OXR1: variants seen among roughly 807,000 people sequenced by gnomAD.
OXR1 encodes the protein oxidation resistance 1, also known as oxidation resistance protein 1.
In OXR1, 41 loss-of-function variants were observed where a neutral mutation model predicts 104.6. The observed-to-expected ratio is 0.39, with a 90% confidence interval of 0.31 to 0.51. OXR1 has a LOEUF of 0.51. Ranked by LOEUF, OXR1 falls within the 20% of genes least tolerant of loss-of-function variation. The probability of loss-of-function intolerance (pLI) is 0.77; values close to 1 mark genes in which losing one functional copy is unlikely to be tolerated. For synonymous variants in OXR1, 348 were observed against 348.4 expected (o/e 1.00, Z 0.01); for missense variants, 955 against 1,031.9 (o/e 0.93, Z 1.02).
At position 106,285,495 on chromosome 8, in the gene OXR1, A is replaced by G. The variant is rs536489874; in HGVS notation, c.-139+15128A>G. 2.4e-3 allele frequency among the ~76,000 whole-genome samples: 359 copies of G among 152,114 alleles called. 5 individuals are homozygous for G. The highest frequency in any genetic ancestry group is 8.1e-3 in the African/African-American group (336 of 41,496). On this transcript the variant is annotated intron_variant, in intron 1 of 16. Coordinates refer to ENST00000517566, the MANE Select transcript of OXR1 (RefSeq NM_001198533.2). ...GACAGTAACAAGTGTCCTTCCGTTT[A>G]ATGCTGCCACCCTAGGTCTGTGTGT...
intron 7 of OXR1, among the ~76,000 whole-genome samples, chr8:106,699,043 A>G (rs1353398921): frequency 4.6e-5 from 7 of 152,130 alleles, no homozygotes; most frequent in Admixed American, 4.6e-4. Flanking sequence ...TTCTTTGATG[A>G]TCACTTGGTA....
chr8:106,504,396 C>T (rs184206762), intron 2 of OXR1, among the ~76,000 whole-genome samples: 265 of 152,210 alleles, frequency 1.7e-3, no homozygotes, highest in African/African-American at 6.1e-3. Flanking sequence ...TTTTTACGTT[C>T]CAGGTTATTA....
chr8:106,343,337 C>G (rs973840318), intron 1 of OXR1, among the ~76,000 whole-genome samples: 1 of 152,152 alleles, frequency 6.6e-6, no homozygotes, highest in Non-Finnish European at 1.5e-5. Context: ...AGGACCATGT[C>G]CAGATCGCTT....
chr8:106,718,349 C>A (rs921097303), intron 11 of OXR1, among the ~76,000 whole-genome samples: 1 of 152,066 alleles, frequency 6.6e-6, no homozygotes, highest in African/African-American at 2.4e-5. Flanking sequence ...TGAAGACAGA[C>A]AGAAACATAT....
chr8:106,442,119 A>G (rs1382224065), intron 2 of OXR1, among the ~76,000 whole-genome samples: 1 of 152,186 alleles, frequency 6.6e-6, no homozygotes, highest in Non-Finnish European at 1.5e-5. Context: ...AGTTTTTACC[A>G]TGAAGTGGTG....
At chr8:106,311,506 C>T (rs1813697827) in intron 1 of OXR1, among the ~76,000 whole-genome samples, 1 of 151,842 alleles carries the variant, frequency 6.6e-6, no homozygotes, top group Non-Finnish European at 1.5e-5. Context: ...TATTTTTGTC[C>T]TGTGTGTGTT....
At chr8:106,579,702 G>T (rs920645933) in intron 3 of OXR1, among the ~76,000 whole-genome samples, 1 of 152,024 alleles carries the variant, frequency 6.6e-6, no homozygotes, top group Non-Finnish European at 1.5e-5. Flanking sequence ...AGCTAAGGAG[G>T]GGAGCCAGGA....
intron 1 of OXR1, among the ~76,000 whole-genome samples, chr8:106,291,453 T>C (rs1372084941): frequency 6.6e-6 from 1 of 152,172 alleles, no homozygotes; most frequent in East Asian, 1.9e-4. Flanking sequence ...GCAAGATTTG[T>C]ATTAGCATTA....
chr8:106,692,909 A>C (rs921475715), intron 7 of OXR1, 32 bp downstream of exon 7: 4 of 1,490,070 alleles, frequency 2.7e-6, no homozygotes, highest in Non-Finnish European at 1.8e-6. Context: ...AAGACCTTTA[A>C]TCATGCTTTA....
chr8:106,402,572 G>A (rs1035120749), intron 2 of OXR1, among the ~76,000 whole-genome samples: 1 of 152,140 alleles, frequency 6.6e-6, no homozygotes, highest in Admixed American at 6.5e-5. Context: ...CACTACTTTG[G>A]TGACCCACAG....
At chr8:106,637,755 T>C (rs1823265520) in intron 3 of OXR1, among the ~76,000 whole-genome samples, 1 of 147,444 alleles carries the variant, frequency 6.8e-6, no homozygotes, top group African/African-American at 2.6e-5. Flanking sequence ...CACTACATAG[T>C]TTCGACTTTT....
At chr8:106,401,566 C>T (rs943041077) in intron 2 of OXR1, among the ~76,000 whole-genome samples, 3 of 152,116 alleles carry the variant, frequency 2.0e-5, no homozygotes, top group Non-Finnish European at 2.9e-5. Flanking sequence ...GCAGCTTTTT[C>T]GGTCACTCAG....
At chr8:106,437,329 T>C (rs897231879) in intron 2 of OXR1, among the ~76,000 whole-genome samples, 2 of 152,168 alleles carry the variant, frequency 1.3e-5, no homozygotes, top group African/African-American at 4.8e-5. Context: ...TGATTTCGTG[T>C]CTAATTTCAT....
intron 1 of OXR1, among the ~76,000 whole-genome samples, chr8:106,357,719 A>G (rs1004906901): frequency 4.6e-5 from 7 of 152,162 alleles, no homozygotes; most frequent in African/African-American, 1.7e-4. Context: ...TTGTTTGCTT[A>G]TGAATGACTT....
chr8:106,529,854 C>G lies in OXR1; in HGVS notation c.220+10715C>G, dbSNP rs1490283517. The stretch of plus-strand genomic sequence containing the variant: ...ATTTATTTAATGATTTCTAAACTGC[C>G]CAATTAAACCTATACTGGTTTAATT... On this transcript the variant is annotated intron_variant, in intron 3 of 16. Coordinates refer to ENST00000517566, the MANE Select transcript of OXR1 (RefSeq NM_001198533.2). Among the ~76,000 whole-genome samples, 4 of 152,208 alleles carry G rather than the reference C, an allele frequency of 2.6e-5. No individual in the cohort carries two copies. In the South Asian group the frequency reaches 6.2e-4, roughly 24 times the overall value.
chr8:106,655,493 A>G (rs185376543), intron 3 of OXR1, among the ~76,000 whole-genome samples: 291 of 152,270 alleles, frequency 1.9e-3, no homozygotes, highest in African/African-American at 6.6e-3. Flanking sequence ...TTAGACTATC[A>G]AAAGAAAATC....
chr8:106,639,908 C>T (rs553809741), intron 3 of OXR1, among the ~76,000 whole-genome samples: 9 of 152,080 alleles, frequency 5.9e-5, no homozygotes, highest in African/African-American at 2.2e-4. Context: ...GACACATAAA[C>T]AAAAAATTAG....
At chr8:106,605,247 A>G (rs1284979681) in intron 3 of OXR1, 1 of 152,192 alleles carries the variant, frequency 6.6e-6, no homozygotes, top group Non-Finnish European at 1.5e-5. Flanking sequence ...AAAATTTTTT[A>G]AAAAGACATT....
In OXR1 at chr8:106,485,766, C is replaced by T. The variant is rs903940754; in HGVS notation, c.24-33177C>T. Among the ~76,000 whole-genome samples, 79 of 152,080 alleles carry T rather than the reference C, an allele frequency of 5.2e-4. 1 individual carries two copies. Among genetic ancestry groups the T allele is most frequent in the South Asian group, 1.9e-3 (9 of 4,818 alleles). ...TGAGGTATATATACATGATGGAATA[C>T]AATTCAGCCTTTAAAAAGAAGGAAA... On this transcript the variant is annotated intron_variant, in intron 2 of 16. Transcript: ENST00000517566.
Sources: allele counts gnomAD v4.1 joint callset (sites outside exome capture counted in the v4.1 genomes callset), GRCh38; gene constraint gnomAD v4.1.1; transcripts MANE v1.5; gene names NCBI Gene and HGNC (gene_info 2026-07-23, HGNC 2026-07-21).